Variants in ARHGEF28 observed in about 807,000 individuals in gnomAD.
ARHGEF28 encodes Rho guanine nucleotide exchange factor 28.
Under a neutral mutation model 206.6 loss-of-function variants are expected in ARHGEF28, and 152 were observed. The observed-to-expected ratio is 0.74, with a 90% CI of 0.64 to 0.84. The LOEUF is 0.84. Among genes scored for constraint, ARHGEF28 ranks in the 40% least tolerant of loss-of-function variants. The probability of loss-of-function intolerance (pLI) is 0.00; values close to 1 mark genes in which losing one functional copy is unlikely to be tolerated. For missense variants in ARHGEF28, 2,028 were observed against 2,073.2 expected, an observed-to-expected ratio of 0.98 and a Z score of 0.42; for synonymous variants, 763 against 776.4, an observed-to-expected ratio of 0.98 and a Z score of 0.29.
intron 3 of ARHGEF28, among the ~76,000 whole-genome samples, chr5:73,752,356 A>G (rs1752058196): frequency 6.6e-6 from 1 of 151,658 alleles, no homozygotes; most frequent in South Asian, 2.1e-4. Flanking sequence ...AGTGAGCAAC[A>G]ACACACACAC....
intron 20 of ARHGEF28, among the ~76,000 whole-genome samples, chr5:73,868,883 GT>G (rs1561470737): frequency 6.6e-6 from 1 of 152,206 alleles, no homozygotes; most frequent in African/African-American, 2.4e-5. Flanking sequence ...CTGACCTCAG[GT>G]GATCCAACTG....
In ARHGEF28 at chr5:73,795,998, C is replaced by T. The variant is rs537604271; in HGVS notation, c.1024+607C>T. Among the ~76,000 whole-genome samples, 22 of 152,344 alleles carry T rather than the reference C, an allele frequency of 1.4e-4. No homozygotes were observed. The East Asian group carries it at 4.2e-3, about 29-fold the overall frequency. ...CTCCCTCTGACCTGGGAATTCTCAT[C>T]TGATTACAATATTCTGTTTCACAAC... On this transcript the variant is annotated intron_variant, in intron 9 of 35. Transcript: ENST00000513042.
chr5:73,924,703 A>G (rs1358888367), intron 35 of ARHGEF28, among the ~76,000 whole-genome samples: 1 of 152,172 alleles, frequency 6.6e-6, no homozygotes, highest in Non-Finnish European at 1.5e-5. Flanking sequence ...TAGGTATTAT[A>G]TAAGAATTTC....
Position 73,909,486 on chromosome 5 carries a change from C to G in ARHGEF28, c.4236C>G (p.Leu1412=), listed in dbSNP as rs774585117. 7.4e-6 allele frequency: 12 copies of G among 1,612,378 alleles called. No individual in the cohort carries two copies. The East Asian group carries it at 2.7e-4, about 36-fold the overall frequency. ...TCCAGCAGCAGGAGGGCCTGTCTCT[C>G]GGCCACTCTATCCTCCGAGGCGGCC... ...LVLQQQEGLS[L]GHSILRGGPL... Residue 1412 remains leucine, a synonymous_variant, in exon 34 of 36, where the codon CTC becomes CTG. Coordinates refer to ENST00000513042, the MANE Select transcript of ARHGEF28 (RefSeq NM_001177693.2).
At chr5:73,920,868 C>T (rs931172819) in intron 35 of ARHGEF28, among the ~76,000 whole-genome samples, 10 of 152,064 alleles carry the variant, frequency 6.6e-5, no homozygotes, top group African/African-American at 2.2e-4. Flanking sequence ...GAAATGAATC[C>T]AGTGCTGTCG....
At chr5:73,683,634 G>A (rs142237886) in intron 1 of ARHGEF28, among the ~76,000 whole-genome samples, 2 of 151,882 alleles carry the variant, frequency 1.3e-5, no homozygotes, top group Non-Finnish European at 2.9e-5. Flanking sequence ...CAGGCACACC[G>A]AGAGGCAGAT....
intron 4 of ARHGEF28, among the ~76,000 whole-genome samples, chr5:73,762,782 A>G (rs570053314): frequency 2.7e-4 from 41 of 152,288 alleles, no homozygotes; most frequent in African/African-American, 9.6e-4. Flanking sequence ...CATCCTTTGT[A>G]TAATGAGAGG....
intron 2 of ARHGEF28, among the ~76,000 whole-genome samples, chr5:73,727,667 C>A (rs1296440878): frequency 6.6e-6 from 1 of 152,184 alleles, no homozygotes; most frequent in Non-Finnish European, 1.5e-5. Context: ...TCTTGGATAT[C>A]ATCCTTTAAG....
At position 73,858,224 on chromosome 5, in the gene ARHGEF28, G is replaced by A. The variant is rs765292687; in HGVS notation, c.2047+5G>A. On this transcript the variant is annotated splice_donor_5th_base_variant and intron_variant, in intron 16 of 35. Transcript: ENST00000513042. ...AAGAGTCACTGCAGTGTTCTAGTAA[G>A]TTCTCAGGTCTATGTGCGCTGTCTT... 1 of 1,577,294 alleles carries A rather than the reference G, an allele frequency of 6.3e-7. No homozygotes were observed. Among genetic ancestry groups the A allele is most frequent in the East Asian group, 2.3e-5 (1 of 44,410 alleles).
intron 1 of ARHGEF28, among the ~76,000 whole-genome samples, chr5:73,639,465 C>CAT (rs1222818211): frequency 6.6e-6 from 1 of 151,644 alleles, no homozygotes; most frequent in Non-Finnish European, 1.5e-5. Context: ...TGTATGTATA[C>CAT]ATATATATGC....
At chr5:73,873,396 TC>T (rs2112644663) in intron 22 of ARHGEF28, 150 bp downstream of exon 22, 1 of 1,092,474 alleles carries the variant, frequency 9.2e-7, no homozygotes, top group Non-Finnish European at 1.3e-6. Context: ...AGATTGTAAC[TC>T]CCAGTAAGGC....
intron 4 of ARHGEF28, 133 bp downstream of exon 4, chr5:73,753,335 GGGCT>G: frequency 1.0e-6 from 1 of 989,076 alleles, no homozygotes; most frequent in South Asian, 2.2e-5. Flanking sequence ...TGATGTGGAG[GGGCT>G]CCCTGAGGTC....
At chr5:73,932,209 T>C (rs1764167366) in intron 35 of ARHGEF28, among the ~76,000 whole-genome samples, 1 of 152,200 alleles carries the variant, frequency 6.6e-6, no homozygotes, top group South Asian at 2.1e-4. Flanking sequence ...TCATGATAAA[T>C]TAGAGAAAAT....
At chr5:73,838,095 G>A (rs1465235655) in intron 10 of ARHGEF28, among the ~76,000 whole-genome samples, 2 of 152,012 alleles carry the variant, frequency 1.3e-5, no homozygotes, top group Non-Finnish European at 2.9e-5. Context: ...CTTTAATGAT[G>A]TGAAGCCAAA....
intron 7 of ARHGEF28, among the ~76,000 whole-genome samples, chr5:73,793,164 A>C (rs1754586312): frequency 6.6e-6 from 1 of 152,230 alleles, no homozygotes; most frequent in Admixed American, 6.5e-5. Flanking sequence ...GTGGCATGCA[A>C]ATGTAGTATT....
chr5:73,833,622 A>C (rs1336603053), intron 10 of ARHGEF28, among the ~76,000 whole-genome samples: 1 of 152,066 alleles, frequency 6.6e-6, no homozygotes, highest in East Asian at 1.9e-4. Flanking sequence ...TTCTGAGGAG[A>C]TTTTCAAGAC....
intron 35 of ARHGEF28, among the ~76,000 whole-genome samples, chr5:73,924,091 C>T (rs1763671294): frequency 1.3e-5 from 2 of 152,136 alleles, no homozygotes; most frequent in South Asian, 4.1e-4. Flanking sequence ...GAATCCAACC[C>T]CCATTGCCTG....
At chr5:73,803,046 T>G (rs1169337697) in intron 9 of ARHGEF28, among the ~76,000 whole-genome samples, 1 of 152,170 alleles carries the variant, frequency 6.6e-6, no homozygotes, top group Admixed American at 6.5e-5. Flanking sequence ...TGGTACAATT[T>G]ACTTTACCTT....
chr5:73,792,979 G>A (rs890581861), intron 7 of ARHGEF28, among the ~76,000 whole-genome samples: 1 of 152,172 alleles, frequency 6.6e-6, no homozygotes, highest in Non-Finnish European at 1.5e-5. Context: ...CAGGGATGCT[G>A]TGTACACAAG....
Sources: gnomAD v4.1 joint callset for allele counts (sites outside exome capture counted in the v4.1 genomes callset) on GRCh38, gnomAD v4.1.1 for gene constraint, MANE v1.5 for transcripts, NCBI Gene and HGNC (gene_info 2026-07-23, HGNC 2026-07-21) for gene names.